GLI2: variants seen among roughly 807,000 people sequenced by gnomAD.
GLI2 encodes the protein GLI family zinc finger 2, also known as transcription activator GLI2.
In GLI2, 22 loss-of-function variants were observed where a neutral mutation model predicts 78.9. The ratio of observed to expected loss-of-function variants is 0.28; its 90% CI spans 0.20 to 0.40. GLI2 has a LOEUF of 0.40. Among genes scored for constraint, GLI2 ranks in the 10% least tolerant of loss-of-function variants. The pLI is 1.00. For missense variants in GLI2, 2,097 were observed against 2,213.2 expected, an observed-to-expected ratio of 0.95 and a Z score of 1.05; for synonymous variants, 974 against 963.7, an observed-to-expected ratio of 1.01 and a Z score of -0.20.
chr2:120,951,558 A>T (rs904825963), intron 4 of GLI2, 113 bp downstream of exon 4: 1 of 683,174 alleles, frequency 1.5e-6, no homozygotes, highest in African/African-American at 1.8e-5. Flanking sequence ...TTGAATGGTG[A>T]CCAGGCTGGC....
intron 1 of GLI2, among the ~76,000 whole-genome samples, chr2:120,743,430 C>T (rs1355296225): frequency 6.6e-6 from 1 of 151,868 alleles, no homozygotes; most frequent in Non-Finnish European, 1.5e-5. Context: ...ATAGCGATAC[C>T]CTGTCTCTAC....
At chr2:120,841,861 G>GTGTGTGTGTGTGTGTT (rs1686895016) in intron 2 of GLI2, among the ~76,000 whole-genome samples, 2 of 150,882 alleles carry the variant, frequency 1.3e-5, no homozygotes, top group African/African-American at 4.9e-5. Context: ...GTGTGTGTGT[G>GTGTGTGTGTGTGTGTT]TGTGTGTGTG....
At chr2:120,775,395 G>C (rs992467558) in intron 1 of GLI2, among the ~76,000 whole-genome samples, 22 of 152,242 alleles carry the variant, frequency 1.4e-4, no homozygotes, top group Admixed American at 5.9e-4. Context: ...GTGCCGTTCA[G>C]TGGTGTCCAT....
intron 2 of GLI2, among the ~76,000 whole-genome samples, chr2:120,907,825 T>A (rs1168200965): frequency 6.6e-6 from 1 of 152,200 alleles, no homozygotes; most frequent in Non-Finnish European, 1.5e-5. Context: ...ATGAAGTGCC[T>A]ACAACCGTGC....
intron 1 of GLI2, 92 bp downstream of exon 1, chr2:120,736,377 C>T (rs1375247209): frequency 6.6e-6 from 1 of 152,144 alleles, no homozygotes; most frequent in African/African-American, 2.4e-5. Context: ...GCTGCGCCGT[C>T]TCGGGGGGTC....
At chr2:120,915,398 CAG>C (rs1474403759) in intron 2 of GLI2, among the ~76,000 whole-genome samples, 2 of 152,144 alleles carry the variant, frequency 1.3e-5, no homozygotes, top group Admixed American at 1.3e-4. Context: ...CCAAGTGAGA[CAG>C]AAGCACTTTT....
chr2:120,759,081 A>G (rs1683134277), intron 1 of GLI2, among the ~76,000 whole-genome samples: 1 of 152,152 alleles, frequency 6.6e-6, no homozygotes, highest in South Asian at 2.1e-4. Context: ...GTGAGGCCTC[A>G]TGAGCAAATG....
chr2:120,823,592 C>T (rs987180457), intron 2 of GLI2, among the ~76,000 whole-genome samples: 3 of 152,214 alleles, frequency 2.0e-5, no homozygotes, highest in African/African-American at 7.2e-5. Flanking sequence ...GTGGGGAGCA[C>T]ACAGAAGTGG....
At chr2:120,791,930 C>T (rs891231144) in intron 1 of GLI2, among the ~76,000 whole-genome samples, 3 of 151,990 alleles carry the variant, frequency 2.0e-5, no homozygotes, top group East Asian at 3.9e-4. Context: ...TGTGAGCCTG[C>T]GTGTGTGTGT....
intron 2 of GLI2, among the ~76,000 whole-genome samples, chr2:120,902,218 CT>C (rs1356662764): frequency 4.1e-5 from 4 of 97,044 alleles, no homozygotes; most frequent in African/African-American, 1.6e-4. Flanking sequence ...TGCCCCATTG[CT>C]TCCCCCAAAA....
At chr2:120,924,050 G>C (rs908784395) in intron 2 of GLI2, among the ~76,000 whole-genome samples, 1 of 152,178 alleles carries the variant, frequency 6.6e-6, no homozygotes, top group East Asian at 1.9e-4. Flanking sequence ...GGGTAGGGTG[G>C]GGTGGTCTGG....
chr2:120,938,675 C>A (rs1053011641), intron 3 of GLI2, among the ~76,000 whole-genome samples: 8 of 152,152 alleles, frequency 5.3e-5, no homozygotes, highest in Admixed American at 3.3e-4. Flanking sequence ...GAGTGCAGGT[C>A]GCATATATGG....
intron 1 of GLI2, among the ~76,000 whole-genome samples, chr2:120,743,185 C>T (rs1682599460): frequency 6.6e-6 from 1 of 152,198 alleles, no homozygotes; most frequent in Non-Finnish European, 1.5e-5. Flanking sequence ...TGAACTCTCT[C>T]TGCTTTGGGG....
At chr2:120,786,052 G>A (rs1683988168) in intron 1 of GLI2, among the ~76,000 whole-genome samples, 1 of 152,194 alleles carries the variant, frequency 6.6e-6, no homozygotes, top group Non-Finnish European at 1.5e-5. Flanking sequence ...ACGTGGTCTG[G>A]GCTTGGGGTG....
At chr2:120,738,821 C>G (rs1682442856) in intron 1 of GLI2, among the ~76,000 whole-genome samples, 1 of 152,206 alleles carries the variant, frequency 6.6e-6, no homozygotes, top group Non-Finnish European at 1.5e-5. Context: ...GCAGAGACTT[C>G]CGGGCTGCTC....
chr2:120,810,411 G>A (rs1331656199), intron 2 of GLI2, among the ~76,000 whole-genome samples: 1 of 152,198 alleles, frequency 6.6e-6, no homozygotes, highest in Non-Finnish European at 1.5e-5. Flanking sequence ...GGGCTGTCTG[G>A]CACACCTGCC....
intron 1 of GLI2, among the ~76,000 whole-genome samples, chr2:120,788,313 CT>C (rs1684053900): frequency 6.6e-6 from 1 of 152,208 alleles, no homozygotes; most frequent in Non-Finnish European, 1.5e-5. Context: ...GTCTAGGACT[CT>C]GGGAAGGAGG....
chr2:120,981,334 C>G (rs1682710539), intron 10 of GLI2, among the ~76,000 whole-genome samples: 3 of 152,180 alleles, frequency 2.0e-5, no homozygotes, highest in Non-Finnish European at 4.4e-5. Context: ...CCTTAAGTGT[C>G]TGGGTTTCTT....
chr2:120,851,357 C>G (rs1284133791), intron 2 of GLI2, among the ~76,000 whole-genome samples: 1 of 152,144 alleles, frequency 6.6e-6, no homozygotes, highest in Admixed American at 6.5e-5. Flanking sequence ...TTCTATGTTG[C>G]TCTGTTTGGA....
Sources: allele counts gnomAD v4.1 joint callset (sites outside exome capture counted in the v4.1 genomes callset), GRCh38; gene constraint gnomAD v4.1.1; transcripts MANE v1.5; gene names NCBI Gene and HGNC (gene_info 2026-07-23, HGNC 2026-07-21).